The following CYRIB variants were observed in gnomAD, a reference collection of about 807,000 sequenced individuals.
CYRIB encodes CYFIP related Rac1 interactor B.
A neutral mutation model predicts 44.2 loss-of-function variants in CYRIB; 8 were observed. The observed-to-expected ratio is 0.18, with a 90% confidence interval of 0.11 to 0.33. CYRIB has a LOEUF of 0.33. Among genes scored for constraint, CYRIB ranks in the 10% least tolerant of loss-of-function variants. The pLI is 1.00. For synonymous variants in CYRIB, 131 were observed against 127.2 expected (o/e 1.03, Z -0.20); for missense variants, 185 against 382.8 (o/e 0.48, Z 4.31).
At chr8:129,930,519 A>C (rs1364322035) in intron 1 of CYRIB, among the ~76,000 whole-genome samples, 1 of 151,740 alleles carries the variant, frequency 6.6e-6, no homozygotes, top group Admixed American at 6.6e-5. Flanking sequence ...GCTAAAACTA[A>C]GTTCTTAAAA....
At chr8:129,853,281 G>A (rs2044330735) in intron 7 of CYRIB, among the ~76,000 whole-genome samples, 1 of 152,136 alleles carries the variant, frequency 6.6e-6, no homozygotes. Flanking sequence ...TTACATGGTA[G>A]GTATGAAAAA....
intron 3 of CYRIB, among the ~76,000 whole-genome samples, chr8:129,875,684 A>T (rs2058857523): frequency 6.6e-6 from 1 of 152,262 alleles, no homozygotes; most frequent in South Asian, 2.1e-4. Flanking sequence ...TAAACGTCTA[A>T]CTGAATACAG....
In CYRIB at chr8:129,879,318, C is replaced by T. The variant is rs1251652774; in HGVS notation, c.73+71G>A. ...AGTTAAAAAGATGGCAAAGTGGAAA[C>T]ATTCATTTAGTGCAAGACAAACGCA... On this transcript the variant is annotated intron_variant, in intron 3 of 11. Transcript: ENST00000519824. The T allele has an allele frequency of 3.3e-5, 33 of 1,005,334 alleles. No individual in the cohort carries two copies. In the Middle Eastern group the frequency reaches 6.2e-4, roughly 19 times the overall value. 62.3% of individuals were successfully genotyped at this position (1,005,334 alleles called of 1,614,324 possible). A position where few individuals can be genotyped will look rare whatever the true frequency, so the allele number is the denominator to read the frequency against.
At chr8:129,963,916 A>G (rs1331015217) in intron 2 of CYRIB, among the ~76,000 whole-genome samples, 1 of 152,110 alleles carries the variant, frequency 6.6e-6, no homozygotes. Context: ...GACCATTTGG[A>G]TTTCTTGTCC....
At chr8:130,004,868 G>A (rs1427460565) in intron 1 of CYRIB, among the ~76,000 whole-genome samples, 1 of 149,962 alleles carries the variant, frequency 6.7e-6, no homozygotes, top group Non-Finnish European at 1.5e-5. Flanking sequence ...CCCGGTTCAA[G>A]TGTTTCTCCT....
chr8:130,006,074 AG>A (rs1247304736), intron 1 of CYRIB, among the ~76,000 whole-genome samples: 6 of 152,184 alleles, frequency 3.9e-5, no homozygotes, highest in African/African-American at 1.4e-4. Context: ...AGGCCAAGGC[AG>A]GCAGATCACT....
chr8:129,994,072 C>T lies in CYRIB; in HGVS notation c.-296+22298G>A, dbSNP rs368512881. 1.2e-4 allele frequency among the ~76,000 whole-genome samples: 18 copies of T among 152,186 alleles called. No homozygotes were observed. In the East Asian group the frequency reaches 2.7e-3, roughly 23 times the overall value. On this transcript the variant is annotated intron_variant, in intron 1 of 14. Transcript: ENST00000401979. The stretch of plus-strand genomic sequence containing the variant: ...AGTCTTGACCCCTAATGTCAAAGAA[C>T]GTAACCTTATTTGGATTTAGGATCT...
At chr8:129,917,725 C>T (rs1363935197) in intron 1 of CYRIB, among the ~76,000 whole-genome samples, 2 of 151,904 alleles carry the variant, frequency 1.3e-5, no homozygotes, top group Admixed American at 6.6e-5. Flanking sequence ...GGCATGGTGG[C>T]GCGTGCCTGT....
At chr8:129,849,410 A>G in intron 9 of CYRIB, 41 bp from the exon 12 acceptor site, 1 of 1,562,618 alleles carries the variant, frequency 6.4e-7, no homozygotes, top group Non-Finnish European at 8.6e-7. Context: ...AGTGCATTAC[A>G]AAATTCTTTT....
At chr8:129,909,258 G>T (rs1359322310) in intron 1 of CYRIB, among the ~76,000 whole-genome samples, 1 of 152,010 alleles carries the variant, frequency 6.6e-6, no homozygotes, top group Non-Finnish European at 1.5e-5. Flanking sequence ...GATTTTTGTA[G>T]AGTCTAAAAA....
intron 1 of CYRIB, among the ~76,000 whole-genome samples, chr8:129,987,756 G>A (rs951162928): frequency 6.6e-6 from 1 of 151,936 alleles, no homozygotes; most frequent in African/African-American, 2.4e-5. Flanking sequence ...ATTTTGAGAA[G>A]AGATGGGGTT....
intron 1 of CYRIB, among the ~76,000 whole-genome samples, chr8:129,984,523 T>A (rs116362781): frequency 0.012 from 1,767 of 152,260 alleles, 39 homozygotes; most frequent in African/African-American, 0.04. Context: ...GGGGCAGGGC[T>A]GGCACAGGAA....
At chr8:129,852,322 T>C in intron 7 of CYRIB, 44 bp from the exon 10 acceptor site, 1 of 1,229,334 alleles carries the variant, frequency 8.1e-7, no homozygotes, top group Non-Finnish European at 1.1e-6. Flanking sequence ...CACAAATTAT[T>C]ACATATAATA....
intron 1 of CYRIB, among the ~76,000 whole-genome samples, chr8:129,929,851 G>A (rs568366046): frequency 2.6e-5 from 4 of 152,210 alleles, no homozygotes; most frequent in South Asian, 4.1e-4. Context: ...TTAGGGTACC[G>A]GTACCTGTTT....
chr8:129,996,806 G>C (rs12547810), intron 1 of CYRIB, among the ~76,000 whole-genome samples: 2 of 151,712 alleles, frequency 1.3e-5, no homozygotes, highest in Admixed American at 6.6e-5. Context: ...CCCTCCCTCC[G>C]GGGTATTTTT....
intron 9 of CYRIB, chr8:129,849,827 C>T (rs1342032853): frequency 2.0e-5 from 3 of 153,068 alleles, no homozygotes; most frequent in Non-Finnish European, 4.4e-5. Flanking sequence ...GTTGTTAGCA[C>T]CTATAGTGAA....
At chr8:130,011,435 C>T (rs930292177) in intron 1 of CYRIB, among the ~76,000 whole-genome samples, 7 of 149,772 alleles carry the variant, frequency 4.7e-5, no homozygotes, top group African/African-American at 7.4e-5. Context: ...GCAGGAGAAT[C>T]GCTTGAACCC....
intron 2 of CYRIB, among the ~76,000 whole-genome samples, chr8:129,945,323 C>G (rs1449071291): frequency 2.0e-5 from 3 of 152,228 alleles, no homozygotes; most frequent in Non-Finnish European, 4.4e-5. Context: ...CACAGCAGAG[C>G]TGAAACCATG....
chr8:129,862,864 C>T (rs2132377674), intron 4 of CYRIB, among the ~76,000 whole-genome samples: 1 of 152,250 alleles, frequency 6.6e-6, no homozygotes, highest in Non-Finnish European at 1.5e-5. Flanking sequence ...CTTCTCAGCT[C>T]CATAGATACT....
Sources: gnomAD v4.1 joint callset for allele counts (sites outside exome capture counted in the v4.1 genomes callset) on GRCh38, gnomAD v4.1.1 for gene constraint, MANE v1.5 for transcripts, NCBI Gene and HGNC (gene_info 2026-07-23, HGNC 2026-07-21) for gene names.